Variants in PKHD1L1 observed in about 807,000 individuals in gnomAD.
PKHD1L1 encodes the protein fibrocystin-L.
Under a neutral mutation model 462.9 loss-of-function variants are expected in PKHD1L1, and 434 were observed. The ratio of observed to expected loss-of-function variants is 0.94; its 90% CI spans 0.87 to 1.02. The LOEUF (loss-of-function observed/expected upper bound fraction) is 1.02. Ranked by LOEUF, PKHD1L1 falls within the 50% of genes least tolerant of loss-of-function variation. PKHD1L1 has a pLI of 0.00. For missense variants in PKHD1L1, 5,202 were observed against 5,096.1 expected (o/e 1.02, Z -0.63); for synonymous variants, 1,781 against 1,750.0 (o/e 1.02, Z -0.44).
chr8:109,444,120 C>CCG (rs1815979179), intron 37 of PKHD1L1, among the ~76,000 whole-genome samples: 1 of 130,064 alleles, frequency 7.7e-6, no homozygotes, highest in African/African-American at 2.8e-5. Flanking sequence ...TTACCTCCCC[C>CCG]CCCCAAAAAA....
At chr8:109,478,152 C>A (rs536595760) in intron 53 of PKHD1L1, among the ~76,000 whole-genome samples, 1 of 152,226 alleles carries the variant, frequency 6.6e-6, no homozygotes, top group East Asian at 1.9e-4. Context: ...ACAAGTACAA[C>A]TCAATGATAA....
At chr8:109,486,984 C>T in intron 59 of PKHD1L1, among the ~76,000 whole-genome samples, 163 bp downstream of exon 59, 1 of 151,918 alleles carries the variant, frequency 6.6e-6, no homozygotes, top group Admixed American at 6.6e-5. Context: ...AGTAAATTCT[C>T]TTAAATTACT....
At chr8:109,383,035 A>G (rs1340345374) in intron 4 of PKHD1L1, among the ~76,000 whole-genome samples, 1 of 138,678 alleles carries the variant, frequency 7.2e-6, no homozygotes, top group Non-Finnish European at 1.5e-5. Context: ...CCATATATAT[A>G]TAATTAAATT....
At chr8:109,381,300 T>G in intron 2 of PKHD1L1, 70 bp from the exon 3 acceptor site, 1 of 1,250,262 alleles carries the variant, frequency 8.0e-7, no homozygotes, top group Non-Finnish European at 1.1e-6. Flanking sequence ...GATTTGATAC[T>G]AGGTGACAAA....
chr8:109,451,635 A>T (rs1816522863), intron 41 of PKHD1L1, among the ~76,000 whole-genome samples: 1 of 152,204 alleles, frequency 6.6e-6, no homozygotes, highest in African/African-American at 2.4e-5. Context: ...CTGCATTGTC[A>T]TCATTATTCA....
intron 2 of PKHD1L1, among the ~76,000 whole-genome samples, chr8:109,369,925 G>A (rs1014452935): frequency 1.3e-5 from 2 of 152,044 alleles, no homozygotes; most frequent in South Asian, 2.1e-4. Flanking sequence ...AGTTTATGCC[G>A]GATGAGTTAT....
At chr8:109,371,251 C>G (rs1262284216) in intron 2 of PKHD1L1, among the ~76,000 whole-genome samples, 1 of 152,148 alleles carries the variant, frequency 6.6e-6, no homozygotes, top group Non-Finnish European at 1.5e-5. Flanking sequence ...TCTCTAATGG[C>G]CAGAGATGGT....
chr8:109,459,338 A>T (rs550937597), intron 46 of PKHD1L1, among the ~76,000 whole-genome samples: 1 of 152,270 alleles, frequency 6.6e-6, no homozygotes, highest in Admixed American at 6.5e-5. Flanking sequence ...TTTTCCAAAT[A>T]CTTTTTATAA....
chr8:109,466,477 C>A, intron 49 of PKHD1L1, 101 bp from the exon 50 acceptor site: 1 of 1,172,182 alleles, frequency 8.5e-7, no homozygotes. Flanking sequence ...GACTTTTAGA[C>A]TGTATTAGTG....
intron 71 of PKHD1L1, 75 bp downstream of exon 71, chr8:109,511,009 C>T: frequency 6.8e-7 from 1 of 1,478,190 alleles, no homozygotes; most frequent in Non-Finnish European, 9.2e-7. Flanking sequence ...GCTTGTACCT[C>T]CTCCCCTGTT....
Position 109,449,469 on chromosome 8 carries a change from G to T in PKHD1L1, c.6157G>T (p.Glu2053Ter). The stretch of plus-strand genomic sequence containing the variant: ...ATCTGATTACACAACACTATTATGT[G>T]AAATTCCATCTAATAATGGTAAGTT... The part of the protein sequence containing the change: ...LRSDYTTLLC[E>*]IPSNNGTGAE... Residue 2053 changes from glutamate to a stop codon, truncating the protein, a stop_gained, in exon 40 of 78, where the codon GAA (glutamate) becomes TAA (stop). Coordinates refer to ENST00000378402, the MANE Select transcript of PKHD1L1 (RefSeq NM_177531.6). LOFTEE classifies it high-confidence loss of function. 6.3e-7 allele frequency: 1 copy of T among 1,596,016 alleles called. No individual in the cohort carries two copies. The highest frequency in any genetic ancestry group is 2.2e-5 in the East Asian group (1 of 44,474).
rs1289290163 is a variant in PKHD1L1 at position 109,409,960 on chromosome 8, T to C, written c.2067T>C (p.Tyr689=). 6.3e-7 allele frequency: 1 copy of C among 1,575,368 alleles called. No individual in the cohort carries two copies. Among genetic ancestry groups the C allele is most frequent in the Admixed American group, 1.8e-5 (1 of 55,418 alleles). The change falls in exon 19 of 78, where the codon TAT becomes TAC. Residue 689 remains tyrosine, a synonymous_variant. Transcript: ENST00000378402. The part of the protein sequence containing the change: ...EGFVVKYFRD[Y]ETDFNLEHIN... ...TTGTTGTGAAATATTTCAGAGACTA[T>C]GAAACTGATTTTAATCTGGTATGAA...
intron 10 of PKHD1L1, 49 bp from the exon 11 acceptor site, chr8:109,395,978 G>A (rs1168527948): frequency 7.6e-7 from 1 of 1,321,542 alleles, no homozygotes; most frequent in African/African-American, 1.5e-5. Context: ...AGGTATTTGG[G>A]TTTATGTGTA....
rs192209687 is a variant in PKHD1L1 at position 109,389,602 on chromosome 8, A to G, written c.697+450A>G. 4.6e-5 allele frequency among the ~76,000 whole-genome samples: 7 copies of G among 151,008 alleles called. No individual in the cohort carries two copies. In the East Asian group the frequency reaches 1.2e-3, roughly 25 times the overall value. On this transcript the variant is annotated intron_variant, in intron 8 of 77. Coordinates refer to ENST00000378402, the MANE Select transcript of PKHD1L1 (RefSeq NM_177531.6). Reference sequence around the variant, plus strand: ...GAGTGCAGTGGCGTGATCTTGGCTTACTGCAACCTCTGCCTCCCAGCTTCA... The same window carrying G: ...GAGTGCAGTGGCGTGATCTTGGCTTGCTGCAACCTCTGCCTCCCAGCTTCA...
chr8:109,470,690 G>T, intron 50 of PKHD1L1: 2 of 1,583,050 alleles, frequency 1.3e-6, no homozygotes, highest in Non-Finnish European at 1.7e-6. Flanking sequence ...CAGGAAAAAG[G>T]AATGGCAAAT....
rs761367383 is a variant in PKHD1L1, at chr8:109,485,130, T to C, written c.9663T>C (p.His3221=). The C allele has an allele frequency of 1.3e-6, 2 of 1,598,096 alleles. No homozygotes were observed. The highest frequency in any genetic ancestry group is 1.1e-5 in the South Asian group (1 of 87,846). ...TRSIVKILHD[H]KILILNDSLS... ...GTATCGTTAAAATCCTGCATGATCA[T>C]AAAATTCTCATTCTTAATGATAGCC... The change falls in exon 58 of 78, where the codon CAT becomes CAC. Residue 3221 remains histidine (H), a synonymous_variant. Coordinates refer to ENST00000378402, the MANE Select transcript of PKHD1L1 (RefSeq NM_177531.6).
chr8:109,410,536 A>G lies in PKHD1L1; in HGVS notation c.2085+558A>G, dbSNP rs181254730. On this transcript the variant is annotated intron_variant, in intron 19 of 77. Transcript: ENST00000378402. ...CAGACCTTGTGAAAACTCACTCACTATCATGAGAACAGCACCGATGGGATG... is the reference window on the plus strand; with the variant it reads ...CAGACCTTGTGAAAACTCACTCACTGTCATGAGAACAGCACCGATGGGATG... Among the ~76,000 whole-genome samples, 7 of 152,046 alleles carry G rather than the reference A, an allele frequency of 4.6e-5. No homozygotes were observed. In the East Asian group the frequency reaches 5.8e-4, roughly 13 times the overall value.
At chr8:109,376,944 G>T (rs187155746) in intron 2 of PKHD1L1, among the ~76,000 whole-genome samples, 1 of 152,162 alleles carries the variant, frequency 6.6e-6, no homozygotes, top group Non-Finnish European at 1.5e-5. Context: ...CACCTGCCAC[G>T]TAGCTTTACC....
chr8:109,397,466 A>G (rs1338495885), intron 11 of PKHD1L1, among the ~76,000 whole-genome samples: 2 of 152,148 alleles, frequency 1.3e-5, no homozygotes, highest in East Asian at 3.8e-4. Context: ...ACTTGAGCCC[A>G]GGAGTTTGAT....
Sources: allele counts gnomAD v4.1 joint callset (sites outside exome capture counted in the v4.1 genomes callset), GRCh38; gene constraint gnomAD v4.1.1; transcripts MANE v1.5; gene names NCBI Gene and HGNC (gene_info 2026-07-23, HGNC 2026-07-21).